The following PPP3CA variants were observed in gnomAD, a reference collection of about 807,000 sequenced individuals.
PPP3CA encodes CAM-PRP catalytic subunit.
A neutral mutation model predicts 66.5 loss-of-function variants in PPP3CA; 14 were observed. The ratio of observed to expected loss-of-function variants is 0.21; its 90% CI spans 0.14 to 0.33. The LOEUF (loss-of-function observed/expected upper bound fraction) is 0.33. Ranked by LOEUF, PPP3CA falls within the 10% of genes least tolerant of loss-of-function variation. The pLI, the probability that PPP3CA is intolerant of heterozygous loss-of-function variation, is 1.00. For synonymous variants in PPP3CA, 232 were observed against 226.2 expected (o/e 1.03, Z -0.23); for missense variants, 317 against 639.5 (o/e 0.50, Z 5.44).
chr4:101,106,437 GAAAGAAAGA>G lies in PPP3CA; in HGVS notation c.384+2508_384+2516del, dbSNP rs1730707164. On this transcript the variant is annotated intron_variant, in intron 3 of 13. Transcript: ENST00000394854. ...AGAAAGAAAGAAAGAAAGAAAGAAA[GAAAGAAAGA>G]AAGAAAGAGAAAAGAAAAGAAAAGA... Among the ~76,000 whole-genome samples the G allele has an allele frequency of 8.3e-4, 10 of 12,114 alleles. 3 individuals carry two copies. Among genetic ancestry groups the G allele is most frequent in the African/African-American group, 2.7e-3 (10 of 3,752 alleles). 7.9% of individuals were successfully genotyped at this position (12,114 alleles called of 152,430 possible).
intron 2 of PPP3CA, among the ~76,000 whole-genome samples, chr4:101,119,073 A>G (rs150542754): frequency 1.2e-3 from 180 of 151,800 alleles, no homozygotes; most frequent in African/African-American, 4.2e-3. Context: ...GTTATTTCAG[A>G]AACTGTCTAC....
chr4:101,262,734 T>C (rs1370953488), intron 1 of PPP3CA, among the ~76,000 whole-genome samples: 1 of 152,196 alleles, frequency 6.6e-6, no homozygotes, highest in Non-Finnish European at 1.5e-5. Context: ...TTCAACTGTA[T>C]GTGTGCCTTC....
intron 10 of PPP3CA, among the ~76,000 whole-genome samples, chr4:101,059,685 G>A (rs1300072546): frequency 6.6e-6 from 1 of 152,016 alleles, no homozygotes; most frequent in Admixed American, 6.6e-5. Flanking sequence ...GTTTTTAAAG[G>A]TATACATTTT....
chr4:101,115,893 C>A (rs551732779), intron 2 of PPP3CA, among the ~76,000 whole-genome samples: 1 of 151,614 alleles, frequency 6.6e-6, no homozygotes, highest in African/African-American at 2.4e-5. Context: ...TTAAAGTTTA[C>A]GAAAATTAGG....
intron 1 of PPP3CA, among the ~76,000 whole-genome samples, chr4:101,303,558 A>G (rs191049282): frequency 1.9e-4 from 29 of 152,316 alleles, no homozygotes; most frequent in South Asian, 2.1e-4. Context: ...TGAATGTACC[A>G]TATGTAATCC....
At chr4:101,045,306 C>T (rs180699904) in intron 10 of PPP3CA, among the ~76,000 whole-genome samples, 139 of 152,334 alleles carry the variant, frequency 9.1e-4, no homozygotes, top group African/African-American at 3.2e-3. Context: ...GAGCTGGCTT[C>T]TGTCAGCTGG....
intron 1 of PPP3CA, among the ~76,000 whole-genome samples, chr4:101,248,709 C>T (rs1726571438): frequency 6.6e-6 from 1 of 152,182 alleles, no homozygotes; most frequent in Non-Finnish European, 1.5e-5. Flanking sequence ...GGTACTAAGA[C>T]TCTGGATGCC....
chr4:101,077,945 T>C (rs1309657590), intron 8 of PPP3CA, among the ~76,000 whole-genome samples: 1 of 152,086 alleles, frequency 6.6e-6, no homozygotes, highest in Non-Finnish European at 1.5e-5. Flanking sequence ...CCTAGCATTA[T>C]GAAGAATTGA....
At chr4:101,248,554 T>G (rs1726565498) in intron 1 of PPP3CA, among the ~76,000 whole-genome samples, 2 of 152,212 alleles carry the variant, frequency 1.3e-5, no homozygotes, top group Non-Finnish European at 2.9e-5. Flanking sequence ...TAAATTCAAC[T>G]GCTCTGGGGA....
chr4:101,150,180 G>A (rs1723093498), intron 2 of PPP3CA, among the ~76,000 whole-genome samples: 1 of 152,150 alleles, frequency 6.6e-6, no homozygotes, highest in African/African-American at 2.4e-5. Context: ...GAAACTGAAA[G>A]ATTCAGAATA....
intron 1 of PPP3CA, among the ~76,000 whole-genome samples, chr4:101,217,259 G>A (rs1194440458): frequency 6.6e-6 from 1 of 152,034 alleles, no homozygotes; most frequent in Non-Finnish European, 1.5e-5. Context: ...TATTGTTCCT[G>A]TTTGACAGAT....
chr4:101,059,560 G>A (rs1728371202), intron 10 of PPP3CA, among the ~76,000 whole-genome samples: 1 of 152,048 alleles, frequency 6.6e-6, no homozygotes, highest in African/African-American at 2.4e-5. Context: ...GCAGCATTAG[G>A]TATTTTGCAT....
chr4:101,315,251 C>T (rs1216810789), intron 1 of PPP3CA, among the ~76,000 whole-genome samples: 7 of 152,324 alleles, frequency 4.6e-5, no homozygotes, highest in Admixed American at 6.5e-5. Context: ...TCTGCCCATG[C>T]TGGCACCCTG....
At chr4:101,235,873 T>C (rs992887705) in intron 1 of PPP3CA, among the ~76,000 whole-genome samples, 3 of 151,866 alleles carry the variant, frequency 2.0e-5, no homozygotes, top group African/African-American at 7.2e-5. Context: ...GACTTTCCAA[T>C]AAAATGAACA....
At chr4:101,073,362 G>A (rs1416552053) in intron 8 of PPP3CA, among the ~76,000 whole-genome samples, 5 of 150,368 alleles carry the variant, frequency 3.3e-5, no homozygotes, top group African/African-American at 1.2e-4. Context: ...CTGCAACCTC[G>A]GCCTCCCGGG....
At chr4:101,271,499 T>A (rs1727334939) in intron 1 of PPP3CA, among the ~76,000 whole-genome samples, 1 of 152,126 alleles carries the variant, frequency 6.6e-6, no homozygotes, top group Non-Finnish European at 1.5e-5. Context: ...GCATTAGGAA[T>A]TGCTTTCACA....
chr4:101,344,589 TA>T (rs1439501732), intron 1 of PPP3CA, among the ~76,000 whole-genome samples: 1 of 152,146 alleles, frequency 6.6e-6, no homozygotes, highest in Non-Finnish European at 1.5e-5. Flanking sequence ...TTTTTTAAAT[TA>T]TGGGTGAGTG....
Position 101,085,749 on chromosome 4 carries a change from A to G in PPP3CA, c.783-2486T>C, listed in dbSNP as rs574928987. 2.6e-5 allele frequency among the ~76,000 whole-genome samples: 4 copies of G among 152,278 alleles called. No homozygotes were observed. In the South Asian group the frequency reaches 8.3e-4, roughly 32 times the overall value. On this transcript the variant is annotated intron_variant, in intron 6 of 13. Coordinates refer to ENST00000394854, the MANE Select transcript of PPP3CA (RefSeq NM_000944.5). ...AGTTTCTAATAGTATTAGAAAAGAGAAACAGAAACTCTGTTCCACTTTTAT... is the reference window on the plus strand; with the variant it reads ...AGTTTCTAATAGTATTAGAAAAGAGGAACAGAAACTCTGTTCCACTTTTAT...
chr4:101,132,914 C>T (rs1232180891), intron 2 of PPP3CA, among the ~76,000 whole-genome samples: 2 of 152,186 alleles, frequency 1.3e-5, no homozygotes, highest in African/African-American at 4.8e-5. Flanking sequence ...ATAAAGTCAG[C>T]TTCATCCCTG....
Sources: gnomAD v4.1 joint callset for allele counts (sites outside exome capture counted in the v4.1 genomes callset) on GRCh38, gnomAD v4.1.1 for gene constraint, MANE v1.5 for transcripts, NCBI Gene and HGNC (gene_info 2026-07-23, HGNC 2026-07-21) for gene names.